The following FAM53A variants were observed in gnomAD, a reference collection of about 807,000 sequenced individuals.
The protein encoded by FAM53A is protein FAM53A.
FAM53A carries 28 observed loss-of-function variants against 26.6 expected under a neutral mutation model. The observed-to-expected ratio is 1.05, with a 90% CI of 0.78 to 1.45. The LOEUF is 1.45. FAM53A is among the 40% of genes most tolerant of loss of function. FAM53A has a pLI of 0.00. For missense variants in FAM53A, 650 were observed against 575.8 expected, an observed-to-expected ratio of 1.13 and a Z score of -1.32; for synonymous variants, 290 against 253.1, an observed-to-expected ratio of 1.15 and a Z score of -1.38.
At chr4:1,657,557 A>G (rs1044398248) in intron 2 of FAM53A, 89 bp from the exon 3 acceptor site, 17 of 1,083,154 alleles carry the variant, frequency 1.6e-5, no homozygotes, top group Non-Finnish European at 2.4e-5. Flanking sequence ...AGCACGTTCT[A>G]CCTTTCCCCA....
At chr4:1,676,233 G>A (rs1417443583) in intron 1 of FAM53A, among the ~76,000 whole-genome samples, 1 of 152,072 alleles carries the variant, frequency 6.6e-6, no homozygotes, top group African/African-American at 2.4e-5. Flanking sequence ...GAAGGCTCTG[G>A]GGAGGGACTG....
At chr4:1,623,502 G>A (rs1056791287) in intron 1 of FAM53A, among the ~76,000 whole-genome samples, 22 of 152,316 alleles carry the variant, frequency 1.4e-4, no homozygotes, top group African/African-American at 3.4e-4. Flanking sequence ...GGCAGTTCTC[G>A]GGAGTCCACT....
rs959510596 is a variant in FAM53A at position 1,659,879 on chromosome 4, C to T, written c.76-2411G>A. Reference sequence around the variant, plus strand: ...TTAATTCCATTCATGAGGGCACTGCCGCCATGACCTAAGCACCTCCCAGAG... The same window carrying T: ...TTAATTCCATTCATGAGGGCACTGCTGCCATGACCTAAGCACCTCCCAGAG... On this transcript the variant is annotated intron_variant, in intron 2 of 4. Transcript: ENST00000308132. The surrounding 1 kb of genome is among the most constrained non-coding windows in gnomAD (Gnocchi z 5.2). Among the ~76,000 whole-genome samples the T allele has an allele frequency of 4.6e-5, 7 of 152,204 alleles. No homozygotes were observed. Among genetic ancestry groups the T allele is most frequent in the Non-Finnish European group, 7.3e-5 (5 of 68,042 alleles).
intron 1 of FAM53A, among the ~76,000 whole-genome samples, chr4:1,628,975 C>T (rs968862414): frequency 5.3e-5 from 8 of 151,858 alleles, no homozygotes; most frequent in Non-Finnish European, 1.2e-4. Context: ...GCCCTGTGTG[C>T]CTTAAATCCA....
chr4:1,643,645 C>T (rs1711961128), intron 4 of FAM53A, among the ~76,000 whole-genome samples: 3 of 150,358 alleles, frequency 2.0e-5, no homozygotes, highest in Middle Eastern at 3.4e-3. Flanking sequence ...TAGCTCACTG[C>T]AGCCTCGACC....
At chr4:1,601,224 G>A in the FAM53A span, among the ~76,000 whole-genome samples, 2 of 116,258 alleles carry the variant, frequency 1.7e-5, no homozygotes, top group Non-Finnish European at 4.2e-5. Flanking sequence ...CCCTGGAGCC[G>A]CAACAGGTCG....
intron 4 of FAM53A, among the ~76,000 whole-genome samples, chr4:1,646,007 A>G (rs979380818): frequency 6.6e-6 from 1 of 152,084 alleles, no homozygotes; most frequent in Non-Finnish European, 1.5e-5. Flanking sequence ...CCAGGTGAGG[A>G]CACAGCCACA....
At chr4:1,662,828 A>T (rs113166682) in intron 2 of FAM53A, among the ~76,000 whole-genome samples, 1 of 152,184 alleles carries the variant, frequency 6.6e-6, no homozygotes, top group East Asian at 1.9e-4. Flanking sequence ...CAGAACCACA[A>T]TGAGATACCA....
downstream of FAM53A, among the ~76,000 whole-genome samples, chr4:1,614,397 C>CATGCAGAGACGTGAGGGGG (rs1560099368): frequency 1.2e-4 from 12 of 97,024 alleles, no homozygotes; most frequent in African/African-American, 4.2e-4. Flanking sequence ...ACGTGAGGGG[C>CATGCAGAGACGTGAGGGGG]ATGCAGAGAC....
chr4:1,678,793 G>C (rs1367984906), intron 1 of FAM53A, among the ~76,000 whole-genome samples: 1 of 152,096 alleles, frequency 6.6e-6, no homozygotes. Flanking sequence ...CTGCACTACA[G>C]CCTGGGCAAC....
At chr4:1,581,514 T>C in the FAM53A span, among the ~76,000 whole-genome samples, 1 of 152,254 alleles carries the variant, frequency 6.6e-6, no homozygotes, top group Non-Finnish European at 1.5e-5. Context: ...CTCGTGGTCC[T>C]GCATATCTGG....
the FAM53A span, among the ~76,000 whole-genome samples, chr4:1,605,434 C>T: frequency 1.3e-5 from 2 of 152,138 alleles, no homozygotes; most frequent in Non-Finnish European, 2.9e-5. The surrounding 1 kb of genome is among the most constrained non-coding windows in gnomAD (Gnocchi z 5.7). Context: ...ACCAAAGGAC[C>T]CTGCACCCAG....
At chr4:1,605,311 A>G in the FAM53A span, among the ~76,000 whole-genome samples, 2 of 152,046 alleles carry the variant, frequency 1.3e-5, no homozygotes, top group African/African-American at 2.4e-5. The surrounding 1 kb of genome is among the most constrained non-coding windows in gnomAD (Gnocchi z 5.7). Flanking sequence ...CATCCTCCCC[A>G]TGTGGCTGGG....
chr4:1,636,476 C>G (rs769846661), downstream of FAM53A, among the ~76,000 whole-genome samples: 4 of 152,242 alleles, frequency 2.6e-5, no homozygotes, highest in African/African-American at 4.8e-5. Flanking sequence ...TGGTGTTGCC[C>G]CGTTCACGGG....
Position 1,641,485 on chromosome 4 carries a change from C to T in FAM53A, c.1005G>A (p.Met335Ile). 1.2e-6 allele frequency: 2 copies of T among 1,614,208 alleles called. No individual in the cohort carries two copies. The highest frequency in any genetic ancestry group is 1.7e-6 in the Non-Finnish European group (2 of 1,180,028). Residue 335 changes from methionine (M) to isoleucine (I), a missense_variant, in exon 5 of 5, where the codon ATG becomes ATA. By Grantham distance (10) the Met-to-Ile change is conservative. Transcript: ENST00000308132. ...TGAGGCCCCTCTGGCTGCAGCCAGG[C>T]ATGGTGATGCCAGGGAGGCCCCGGG... ...CDSRGLPGIT[M>I]PGCSQRGLRT... is the part of the protein sequence containing the mutation.
chr4:1,614,465 G>A (rs1178236407), downstream of FAM53A, among the ~76,000 whole-genome samples: 3 of 141,902 alleles, frequency 2.1e-5, no homozygotes, highest in Non-Finnish European at 3.1e-5. Flanking sequence ...ATGCAGAGAC[G>A]TGAGGGGGAT....
intron 4 of FAM53A, among the ~76,000 whole-genome samples, chr4:1,648,495 G>C (rs994195966): frequency 1.3e-5 from 2 of 152,156 alleles, no homozygotes; most frequent in Non-Finnish European, 2.9e-5. Flanking sequence ...CCGCGGTCAG[G>C]AGGGCTCTGG....
intron 1 of FAM53A, among the ~76,000 whole-genome samples, chr4:1,670,250 G>A (rs1008752833): frequency 1.2e-4 from 19 of 152,384 alleles, no homozygotes; most frequent in South Asian, 2.1e-4. Context: ...TGCGTTCCAC[G>A]CTTAAAATGT....
upstream of FAM53A, among the ~76,000 whole-genome samples, chr4:1,684,595 G>A (rs570581606): frequency 8.9e-4 from 136 of 152,030 alleles, no homozygotes; most frequent in African/African-American, 3.2e-3. Flanking sequence ...TCCAGGCCTA[G>A]AAGGCAAGAC....
Sources: allele counts gnomAD v4.1 joint callset (sites outside exome capture counted in the v4.1 genomes callset), GRCh38; gene constraint gnomAD v4.1.1; non-coding constraint Gnocchi (gnomAD v3.1); transcripts MANE v1.5; gene names NCBI Gene and HGNC (gene_info 2026-07-23, HGNC 2026-07-21).